The following TOGARAM2 variants were observed in gnomAD, a reference collection of about 807,000 sequenced individuals.
The protein encoded by TOGARAM2 is TOG array regulator of axonemal microtubules protein 2.
In TOGARAM2, 85 loss-of-function variants were observed where a neutral mutation model predicts 93.3. The observed-to-expected ratio is 0.91, with a 90% CI of 0.76 to 1.09. TOGARAM2 has a LOEUF of 1.09. Among genes scored for constraint, TOGARAM2 ranks in the 50% least tolerant of loss-of-function variants. The probability of loss-of-function intolerance (pLI) is 0.00; values close to 1 mark genes in which losing one functional copy is unlikely to be tolerated. For missense variants in TOGARAM2, 1,277 were observed against 1,334.5 expected (o/e 0.96, Z 0.67); for synonymous variants, 593 against 552.8 (o/e 1.07, Z -1.02).
chr2:28,993,280 A>G (rs954102290), intron 1 of TOGARAM2, among the ~76,000 whole-genome samples: 2 of 152,148 alleles, frequency 1.3e-5, no homozygotes, highest in African/African-American at 2.4e-5. Context: ...GGTTAGAGAT[A>G]TGGGGAACAG....
intron 6 of TOGARAM2, among the ~76,000 whole-genome samples, chr2:29,009,665 A>G (rs1664103921): frequency 6.6e-6 from 1 of 152,180 alleles, no homozygotes; most frequent in Non-Finnish European, 1.5e-5. Context: ...GAGACAGGGC[A>G]TAGGAGAAGA....
chr2:28,975,106 A>T (rs1295937068), intron 1 of TOGARAM2, among the ~76,000 whole-genome samples: 2 of 149,740 alleles, frequency 1.3e-5, no homozygotes, highest in Non-Finnish European at 3.0e-5. Context: ...GTGACAGATT[A>T]TGTATTTTTT....
In TOGARAM2 at chr2:29,045,082, AT is replaced by A. The variant is rs568332998; in HGVS notation, c.2636-241del. On this transcript the variant is annotated intron_variant, in intron 18 of 19. Transcript: ENST00000379558. Reference sequence around the variant, plus strand: ...GAGACGCACAGGCAATATGAACCAGATCTGTGGGAATAAATGAGGCCTGTTT... The same window carrying A: ...GAGACGCACAGGCAATATGAACCAGACTGTGGGAATAAATGAGGCCTGTTT... Among the ~76,000 whole-genome samples the A allele has an allele frequency of 7.5e-3, 1,147 of 152,316 alleles. 12 individuals carry two copies. Among genetic ancestry groups the A allele is most frequent in the African/African-American group, 0.026 (1,084 of 41,562 alleles).
At chr2:29,036,802 A>G in intron 18 of TOGARAM2, 45 bp downstream of exon 18, 1 of 1,561,532 alleles carries the variant, frequency 6.4e-7, no homozygotes. Context: ...CACCATGTCC[A>G]CCCTCCTGCT....
intron 1 of TOGARAM2, among the ~76,000 whole-genome samples, chr2:28,991,029 TGTGTGTG>T (rs1474005257): frequency 0.014 from 2,038 of 148,236 alleles, 54 homozygotes; most frequent in African/African-American, 0.046. Flanking sequence ...TGTGTGTGTG[TGTGTGTG>T]TGTGGCTTTT....
chr2:29,000,941 A>G (rs971167365), intron 4 of TOGARAM2, among the ~76,000 whole-genome samples: 1 of 152,180 alleles, frequency 6.6e-6, no homozygotes, highest in African/African-American at 2.4e-5. Flanking sequence ...CCTTTTCTAG[A>G]TATTTCATTT....
At chr2:28,977,436 G>A (rs192813301), upstream of TOGARAM2, among the ~76,000 whole-genome samples, 1 of 152,214 alleles carries the variant, frequency 6.6e-6, no homozygotes, top group Admixed American at 6.5e-5. Context: ...TTTATAAGGG[G>A]GCAACACCAG....
At chr2:28,959,947 A>T (rs933091251) in intron 1 of TOGARAM2, among the ~76,000 whole-genome samples, 1 of 152,216 alleles carries the variant, frequency 6.6e-6, no homozygotes, top group Non-Finnish European at 1.5e-5. Context: ...GGGCTATCTT[A>T]TGTAGCCTAC....
chr2:29,003,575 A>G lies in TOGARAM2; in HGVS notation c.723A>G (p.Pro241=). 6.3e-7 allele frequency: 1 copy of G among 1,595,742 alleles called. No homozygotes were observed. Among genetic ancestry groups the G allele is most frequent in the Non-Finnish European group, 8.5e-7 (1 of 1,172,014 alleles). ...GCGCCATCGTGATCCCACCCATCCCAAAGGCCAGGACGGTTGCAGCGACCC... is the reference window on the plus strand; with the variant it reads ...GCGCCATCGTGATCCCACCCATCCCGAAGGCCAGGACGGTTGCAGCGACCC... ...SLGAIVIPPI[P]KARTVAATPS... The change falls in exon 6 of 20, where the codon CCA becomes CCG. Residue 241 remains proline, a synonymous_variant. Transcript: ENST00000379558.
chr2:28,996,722 G>T (rs1383294070), intron 2 of TOGARAM2, among the ~76,000 whole-genome samples: 2 of 148,070 alleles, frequency 1.4e-5, no homozygotes, highest in Non-Finnish European at 3.0e-5. Flanking sequence ...ACTAGGGGGA[G>T]CTGAGGCAGG....
chr2:29,030,262 T>C (rs1264735435), intron 14 of TOGARAM2, among the ~76,000 whole-genome samples: 1 of 152,106 alleles, frequency 6.6e-6, no homozygotes, highest in Non-Finnish European at 1.5e-5. Flanking sequence ...GGCAACAGGG[T>C]GAGACCCTGT....
At chr2:29,001,347 A>AT (rs1673286302) in intron 4 of TOGARAM2, among the ~76,000 whole-genome samples, 1 of 123,796 alleles carries the variant, frequency 8.1e-6, no homozygotes, top group Non-Finnish European at 2.0e-5. Flanking sequence ...ATTTTTTTTT[A>AT]ATTTTTTTTT....
At chr2:29,015,866 C>G (rs1322616676) in intron 8 of TOGARAM2, among the ~76,000 whole-genome samples, 1 of 152,118 alleles carries the variant, frequency 6.6e-6, no homozygotes, top group Non-Finnish European at 1.5e-5. Flanking sequence ...TGCTGGAACT[C>G]CCCCAGCGCT....
chr2:29,031,226 C>T (rs1243276699), intron 14 of TOGARAM2, among the ~76,000 whole-genome samples: 1 of 152,148 alleles, frequency 6.6e-6, no homozygotes, highest in Non-Finnish European at 1.5e-5. Context: ...TGGCTATTCA[C>T]AGGTGTGATC....
intron 19 of TOGARAM2, chr2:29,045,993 G>C (rs148310486): frequency 2.9e-4 from 47 of 160,310 alleles, no homozygotes; most frequent in Non-Finnish European, 5.1e-4. Flanking sequence ...GGCTTGGTCA[G>C]TTGACAGCAC....
Position 28,987,414 on chromosome 2 carries a change from C to T in TOGARAM2, c.-111+5876C>T, listed in dbSNP as rs138094983. 2.0e-4 allele frequency among the ~76,000 whole-genome samples: 30 copies of T among 152,174 alleles called. No homozygotes were observed. In the East Asian group the frequency reaches 4.5e-3, roughly 23 times the overall value. On this transcript the variant is annotated intron_variant, in intron 1 of 19. Transcript: ENST00000379558. Reference sequence around the variant, plus strand: ...ACGCCATTCTCCTGCCTCAGCCTCCCGAGTAGCTGGGACCGCAGGCATCCA... The same window carrying T: ...ACGCCATTCTCCTGCCTCAGCCTCCTGAGTAGCTGGGACCGCAGGCATCCA...
At chr2:29,022,452 G>C (rs1205802729) in intron 11 of TOGARAM2, 144 bp downstream of exon 11, 5 of 1,089,296 alleles carry the variant, frequency 4.6e-6, no homozygotes, top group Non-Finnish European at 6.5e-6. Flanking sequence ...AGGGAGGACT[G>C]TGCATGCATA....
chr2:29,010,765 CA>C (rs1664197469), intron 6 of TOGARAM2, among the ~76,000 whole-genome samples: 1 of 152,104 alleles, frequency 6.6e-6, no homozygotes, highest in African/African-American at 2.4e-5. Flanking sequence ...GCTCCATTCC[CA>C]GTGTCTAGAA....
At chr2:29,014,363 C>A in intron 7 of TOGARAM2, 32 bp from the exon 8 acceptor site, 1 of 1,602,084 alleles carries the variant, frequency 6.2e-7, no homozygotes. Context: ...ACCTGGGTGT[C>A]TTCAGCTCCA....
Sources: gnomAD v4.1 joint callset for allele counts (sites outside exome capture counted in the v4.1 genomes callset) on GRCh38, gnomAD v4.1.1 for gene constraint, MANE v1.5 for transcripts, NCBI Gene and HGNC (gene_info 2026-07-23, HGNC 2026-07-21) for gene names.